Variants in DRC5 observed in about 807,000 individuals in gnomAD.
DRC5 encodes T-complex-associated testis-expressed protein 1.
the DRC5 span, chr6:44,286,076 A>T: frequency 6.2e-7 from 1 of 1,614,148 alleles, no homozygotes; most frequent in Non-Finnish European, 8.5e-7. Flanking sequence ...ATCGTACACC[A>T]GGTCCAGCTC....
At chr6:44,282,991 A>G in the DRC5 span, among the ~76,000 whole-genome samples, 3 of 151,718 alleles carry the variant, frequency 2.0e-5, no homozygotes, top group Non-Finnish European at 2.9e-5. Context: ...TTTAGTAGAG[A>G]CAGGGTTTTA....
At chr6:44,296,112 T>C in the DRC5 span, among the ~76,000 whole-genome samples, 1 of 152,244 alleles carries the variant, frequency 6.6e-6, no homozygotes, top group East Asian at 1.9e-4. Context: ...TTACTAAATG[T>C]CACTAGCTAG....
chr6:44,280,072 C>T, the DRC5 span: 18 of 1,027,978 alleles, frequency 1.8e-5, no homozygotes, highest in South Asian at 2.6e-4. Flanking sequence ...CAAGGTTATT[C>T]ACAGTCCCCC....
At chr6:44,279,539 C>A in the DRC5 span, 1 of 152,156 alleles carries the variant, frequency 6.6e-6, no homozygotes, top group Admixed American at 6.5e-5. Flanking sequence ...TGGAAGTTGT[C>A]ATCTACAGTT....
At chr6:44,285,869 T>C in the DRC5 span, 7 of 1,179,084 alleles carry the variant, frequency 5.9e-6, no homozygotes, top group Non-Finnish European at 7.2e-6. Context: ...GAGAAGGAAA[T>C]AGGAAGAAGG....
At chr6:44,282,656 A>G in the DRC5 span, 1 of 1,112,178 alleles carries the variant, frequency 9.0e-7, no homozygotes, top group Non-Finnish European at 1.3e-6. Flanking sequence ...AGTGTTGGCC[A>G]CCTGGCTGGG....
chr6:44,293,900 C>G, the DRC5 span, among the ~76,000 whole-genome samples: 1 of 152,330 alleles, frequency 6.6e-6, no homozygotes, highest in South Asian at 2.1e-4. Flanking sequence ...TAACCTTGAA[C>G]TGCTTTTTAA....
chr6:44,293,879 T>C, the DRC5 span, among the ~76,000 whole-genome samples: 1 of 152,264 alleles, frequency 6.6e-6, no homozygotes, highest in Admixed American at 6.5e-5. Flanking sequence ...TGTATGCCTA[T>C]ATCCATATGT....
the DRC5 span, among the ~76,000 whole-genome samples, chr6:44,283,368 G>A: frequency 6.6e-6 from 1 of 152,176 alleles, no homozygotes; most frequent in African/African-American, 2.4e-5. Flanking sequence ...GGGAGACAGT[G>A]GGGAGGTGGA....
the DRC5 span, chr6:44,288,049 C>G: frequency 2.1e-6 from 1 of 475,728 alleles, no homozygotes; most frequent in South Asian, 4.8e-5. Context: ...ATCTGTGTGG[C>G]CTTGGGCAAG....
the DRC5 span, chr6:44,286,630 G>A: frequency 1.9e-6 from 2 of 1,077,940 alleles, no homozygotes; most frequent in Non-Finnish European, 2.7e-6. Context: ...CCAGGCAAAG[G>A]AGAGACCCTT....
the DRC5 span, chr6:44,286,567 A>G: frequency 6.4e-7 from 1 of 1,569,202 alleles, no homozygotes; most frequent in Non-Finnish European, 8.7e-7. Flanking sequence ...AGGGGGTCAC[A>G]GTGTTGGGGG....
chr6:44,291,821 T>C, the DRC5 span, among the ~76,000 whole-genome samples: 1 of 152,298 alleles, frequency 6.6e-6, no homozygotes, highest in South Asian at 2.1e-4. Context: ...TCAAGTCCAC[T>C]GGGATGCTGC....
chr6:44,290,188 T>C, the DRC5 span, among the ~76,000 whole-genome samples: 1 of 151,268 alleles, frequency 6.6e-6, no homozygotes, highest in Non-Finnish European at 1.5e-5. Flanking sequence ...CTGGAGGGGG[T>C]TGCTGCTTAG....
the DRC5 span, chr6:44,285,999 A>G: frequency 6.2e-7 from 1 of 1,614,082 alleles, no homozygotes; most frequent in South Asian, 1.1e-5. Context: ...GCGGCTGCCA[A>G]GGAGAGGCAG....
the DRC5 span, among the ~76,000 whole-genome samples, chr6:44,283,564 C>T: frequency 6.6e-6 from 1 of 152,188 alleles, no homozygotes; most frequent in Non-Finnish European, 1.5e-5. Flanking sequence ...TTTTATACCC[C>T]TCTTACCCAG....
the DRC5 span, among the ~76,000 whole-genome samples, chr6:44,289,330 C>T: frequency 6.6e-6 from 1 of 152,036 alleles, no homozygotes; most frequent in Non-Finnish European, 1.5e-5. Flanking sequence ...AACCACTGTG[C>T]CTGACCATGA....
chr6:44,291,529 C>T, the DRC5 span, among the ~76,000 whole-genome samples: 1 of 152,328 alleles, frequency 6.6e-6, no homozygotes, highest in South Asian at 2.1e-4. Context: ...CACCCTTTGG[C>T]GTGCCACTCT....
the DRC5 span, among the ~76,000 whole-genome samples, chr6:44,289,856 C>T: frequency 1.3e-5 from 2 of 152,228 alleles, no homozygotes; most frequent in African/African-American, 4.8e-5. Flanking sequence ...CCTAGTTCCT[C>T]CTCCAGGCAG....
Sources: gnomAD v4.1 joint callset for allele counts (sites outside exome capture counted in the v4.1 genomes callset) on GRCh38, gnomAD v4.1.1 for gene constraint, MANE v1.5 for transcripts, NCBI Gene and HGNC (gene_info 2026-07-23, HGNC 2026-07-21) for gene names.